SLC37A3: variants seen among roughly 807,000 people sequenced by gnomAD.
SLC37A3 encodes sugar phosphate exchanger 3.
A neutral mutation model predicts 67.1 loss-of-function variants in SLC37A3; 51 were observed. The observed-to-expected ratio is 0.76, with a 90% CI of 0.61 to 0.96. The LOEUF (loss-of-function observed/expected upper bound fraction) is 0.96, where lower values mean the gene tolerates loss of function less well. Ranked by LOEUF, SLC37A3 falls within the 40% of genes least tolerant of loss-of-function variation. SLC37A3 has a pLI of 0.00. For missense variants in SLC37A3, 508 were observed against 603.0 expected, an observed-to-expected ratio of 0.84 and a Z score of 1.65; for synonymous variants, 214 against 231.4, an observed-to-expected ratio of 0.92 and a Z score of 0.68.
chr7:140,363,116 A>G (rs1797432626), intron 5 of SLC37A3, among the ~76,000 whole-genome samples: 1 of 84,886 alleles, frequency 1.2e-5, no homozygotes, highest in African/African-American at 4.4e-5. Flanking sequence ...CCGGGAGGTG[A>G]GGGGCGCTTC....
In SLC37A3 at chr7:140,382,457, A is replaced by G. The variant is rs1798295427; in HGVS notation, c.70T>C (p.Phe24Leu). 1 of 1,614,020 alleles carries G rather than the reference A, an allele frequency of 6.2e-7. No homozygotes were observed. The highest frequency in any genetic ancestry group is 1.3e-5 in the African/African-American group (1 of 74,930). ...GCTTACCTGAAGAAAGTGAGCAGGA[A>G]CACTACAACATGATGATGGCTGAAC... ...SQFSHHHVVV[F>L]LLTFFSYSLL... Residue 24 changes from phenylalanine to leucine, a missense_variant, in exon 2 of 15, where the codon TTC becomes CTC. Transcript: ENST00000326232.
At chr7:140,347,958 TAC>T in intron 10 of SLC37A3, among the ~76,000 whole-genome samples, 1 of 152,298 alleles carries the variant, frequency 6.6e-6, no homozygotes, top group South Asian at 2.1e-4. Context: ...CCAAACTCTA[TAC>T]ATACTATGTT....
At chr7:140,372,863 A>C (rs1026214280) in intron 3 of SLC37A3, among the ~76,000 whole-genome samples, 4 of 138,088 alleles carry the variant, frequency 2.9e-5, no homozygotes, top group Admixed American at 2.2e-4. Context: ...ACTCTATCTC[A>C]AAAAAAAAAA....
In SLC37A3 at chr7:140,362,172, C is replaced by A. The variant is rs1351537261; in HGVS notation, c.375+2236G>T. On this transcript the variant is annotated intron_variant, in intron 5 of 14. Transcript: ENST00000326232. ...GCGCCTCTTCCCCGCCGCCCATTGT[C>A]TGAGATGTGGGGAGCGCCTCTGCCC... is the stretch of plus-strand genomic sequence containing the variant. Among the ~76,000 whole-genome samples, 149 of 139,240 alleles carry A rather than the reference C, an allele frequency of 1.1e-3. 1 individual carries two copies. The highest frequency in any genetic ancestry group is 3.7e-3 in the African/African-American group (138 of 37,552). 91.3% of individuals were successfully genotyped at this position (139,240 alleles called of 152,430 possible).
intron 1 of SLC37A3, among the ~76,000 whole-genome samples, chr7:140,397,494 C>G (rs1314902922): frequency 1.3e-5 from 2 of 151,936 alleles, no homozygotes; most frequent in Non-Finnish European, 2.9e-5. Context: ...GCGCCCAACC[C>G]GAAGCTCAAT....
chr7:140,362,711 A>C (rs111736115), intron 5 of SLC37A3, among the ~76,000 whole-genome samples: 47 of 48,850 alleles, frequency 9.6e-4, no homozygotes, highest in South Asian at 2.2e-3. Flanking sequence ...CCAGCCGCCC[A>C]GTCCGGGAGG....
intron 2 of SLC37A3, among the ~76,000 whole-genome samples, chr7:140,381,381 C>T (rs1798246721): frequency 6.6e-6 from 1 of 151,618 alleles, no homozygotes; most frequent in Non-Finnish European, 1.5e-5. Context: ...AATAATAAGC[C>T]AGGCATGGTG....
At chr7:140,356,561 T>G (rs1031897352) in intron 6 of SLC37A3, among the ~76,000 whole-genome samples, 6 of 151,930 alleles carry the variant, frequency 3.9e-5, no homozygotes, top group Non-Finnish European at 8.8e-5. Context: ...TGCACACCTA[T>G]AATCCCAGCT....
intron 14 of SLC37A3, among the ~76,000 whole-genome samples, chr7:140,335,903 G>A (rs1325358015): frequency 4.6e-5 from 7 of 151,592 alleles, no homozygotes; most frequent in Admixed American, 4.6e-4. Flanking sequence ...TGGAACACAA[G>A]TTACATGGGC....
intron 1 of SLC37A3, among the ~76,000 whole-genome samples, chr7:140,395,588 A>G (rs761366804): frequency 3.2e-4 from 49 of 151,706 alleles, no homozygotes; most frequent in Non-Finnish European, 5.4e-4. Flanking sequence ...GGTGCCTGTA[A>G]TCCCAGCTAC....
At chr7:140,364,732 TA>T (rs201576524) in intron 4 of SLC37A3, among the ~76,000 whole-genome samples, 14,964 of 143,944 alleles carry the variant, frequency 0.1, 896 homozygotes, top group South Asian at 0.29. Flanking sequence ...AAAAAAATAT[TA>T]AAAAAAAAAA....
At chr7:140,363,511 T>C (rs1585311445) in intron 5 of SLC37A3, among the ~76,000 whole-genome samples, 1 of 115,942 alleles carries the variant, frequency 8.6e-6, no homozygotes, top group African/African-American at 3.3e-5. Flanking sequence ...TCGTTAAGAG[T>C]CATCACCACT....
chr7:140,370,150 T>TTTG (rs1491144854), intron 3 of SLC37A3, among the ~76,000 whole-genome samples: 1 of 10,540 alleles, frequency 9.5e-5, no homozygotes, highest in Non-Finnish European at 1.8e-4. Context: ...AAATAACTAG[T>TTTG]TTTTTTTTTT....
In SLC37A3 at chr7:140,359,006, G is replaced by C. The variant is rs550791098; in HGVS notation, c.376-221C>G. Among the ~76,000 whole-genome samples the C allele has an allele frequency of 2.6e-5, 4 of 152,224 alleles. No homozygotes were observed. The East Asian group carries it at 7.7e-4, about 29-fold the overall frequency. The stretch of plus-strand genomic sequence containing the variant: ...CCACCAGAGAGGAGGAGATGCCAAA[G>C]ACATAAAGTCATTAAGCTATCAGCC... On this transcript the variant is annotated intron_variant, in intron 5 of 14. Transcript: ENST00000326232.
At chr7:140,385,218 T>G (rs1482663183) in intron 1 of SLC37A3, among the ~76,000 whole-genome samples, 1 of 152,214 alleles carries the variant, frequency 6.6e-6, no homozygotes, top group Admixed American at 6.5e-5. Flanking sequence ...TCCAAATCAG[T>G]AGAATTTAGC....
chr7:140,359,014 G>C (rs1048363055), intron 5 of SLC37A3, among the ~76,000 whole-genome samples: 2 of 152,094 alleles, frequency 1.3e-5, no homozygotes, highest in Non-Finnish European at 2.9e-5. Flanking sequence ...AAGACATAAA[G>C]TCATTAAGCT....
At chr7:140,363,982 C>T (rs1290968451) in intron 5 of SLC37A3, among the ~76,000 whole-genome samples, 3 of 152,120 alleles carry the variant, frequency 2.0e-5, no homozygotes, top group East Asian at 1.9e-4. Flanking sequence ...TCTGGCCAGG[C>T]GCAGTGGCTC....
chr7:140,357,042 A>G (rs112909620), intron 6 of SLC37A3, among the ~76,000 whole-genome samples: 1 of 151,754 alleles, frequency 6.6e-6, no homozygotes, highest in African/African-American at 2.4e-5. Flanking sequence ...GAGAAACCCC[A>G]TCTCCACTAA....
Position 140,348,634 on chromosome 7 carries a change from C to T in SLC37A3, c.1016G>A (p.Gly339Glu). The T allele has an allele frequency of 6.2e-7, 1 of 1,610,506 alleles. No homozygotes were observed. Among genetic ancestry groups the T allele is most frequent in the Non-Finnish European group, 8.5e-7 (1 of 1,179,212 alleles). Residue 339 changes from glycine (G) to glutamate (E), a missense_variant, in exon 10 of 15, where the codon GGG becomes GAG. Transcript: ENST00000326232. The part of the protein sequence containing the change: ...DKLSIWYDVG[G>E]IIGGTLQGFI... ...ATGTATCACCGGCATACCTATGATC[C>T]CTCCAACGTCGTACCAAATGGACAG...
Sources: gnomAD v4.1 joint callset for allele counts (sites outside exome capture counted in the v4.1 genomes callset) on GRCh38, gnomAD v4.1.1 for gene constraint, MANE v1.5 for transcripts, NCBI Gene and HGNC (gene_info 2026-07-23, HGNC 2026-07-21) for gene names.